The following PCNX2 variants were observed in gnomAD, a reference collection of about 807,000 sequenced individuals.
PCNX2 encodes the protein pecanex 2, also known as pecanex-like protein 2.
A neutral mutation model predicts 223.8 loss-of-function variants in PCNX2; 168 were observed. That is an observed-to-expected ratio of 0.75 (90% CI 0.66 to 0.85). PCNX2 has a LOEUF of 0.85. PCNX2 is among the 40% of genes least tolerant of loss of function. The pLI, the probability that PCNX2 is intolerant of heterozygous loss-of-function variation, is 0.00. For missense variants in PCNX2, 2,507 were observed against 2,675.5 expected (o/e 0.94, Z 1.39); for synonymous variants, 1,006 against 1,052.6 (o/e 0.96, Z 0.86).
intron 12 of PCNX2, among the ~76,000 whole-genome samples, chr1:233,216,787 C>T (rs574257288): frequency 6.6e-6 from 1 of 151,888 alleles, no homozygotes; most frequent in Non-Finnish European, 1.5e-5. Context: ...TCACAATAGC[C>T]AAGACATGGT....
chr1:233,184,763 G>C (rs1050726953), intron 15 of PCNX2, among the ~76,000 whole-genome samples: 11 of 152,164 alleles, frequency 7.2e-5, no homozygotes, highest in African/African-American at 2.4e-4. Context: ...TGTGGCCACA[G>C]GGGCAGGAAG....
chr1:233,056,241 T>G (rs1672187485), intron 24 of PCNX2, among the ~76,000 whole-genome samples: 1 of 152,200 alleles, frequency 6.6e-6, no homozygotes, highest in Non-Finnish European at 1.5e-5. Context: ...AGGAAAGGCC[T>G]GAATGAGAGA....
At chr1:233,156,443 C>T (rs1678129480) in intron 19 of PCNX2, among the ~76,000 whole-genome samples, 1 of 152,244 alleles carries the variant, frequency 6.6e-6, no homozygotes, top group Non-Finnish European at 1.5e-5. Flanking sequence ...GTGAGCCTCC[C>T]TCTCTACACC....
intron 13 of PCNX2, among the ~76,000 whole-genome samples, chr1:233,204,311 C>T (rs2102902717): frequency 6.6e-6 from 1 of 152,180 alleles, no homozygotes; most frequent in Non-Finnish European, 1.5e-5. Context: ...CAGAGGACAA[C>T]ACCTTGAGTC....
At chr1:233,100,085 T>A (rs1674397198) in intron 21 of PCNX2, among the ~76,000 whole-genome samples, 1 of 152,180 alleles carries the variant, frequency 6.6e-6, no homozygotes, top group Non-Finnish European at 1.5e-5. Context: ...TTTGGGTTTT[T>A]TTCCACTTAA....
At chr1:233,228,413 A>G (rs1657870702) in intron 9 of PCNX2, among the ~76,000 whole-genome samples, 1 of 152,218 alleles carries the variant, frequency 6.6e-6, no homozygotes, top group Non-Finnish European at 1.5e-5. Context: ...GTAAAATTCA[A>G]TAGTGTTAAC....
chr1:233,189,610 T>C (rs1219893702), intron 15 of PCNX2, among the ~76,000 whole-genome samples: 1 of 152,158 alleles, frequency 6.6e-6, no homozygotes, highest in African/African-American at 2.4e-5. Context: ...TACAATTAGA[T>C]TTTAAACCCT....
intron 17 of PCNX2, among the ~76,000 whole-genome samples, chr1:233,164,316 C>T (rs1390169621): frequency 1.3e-5 from 2 of 152,060 alleles, no homozygotes; most frequent in African/African-American, 4.8e-5. Flanking sequence ...AGAAAAGGAA[C>T]CTTACAGACT....
chr1:233,226,832 C>T (rs560515468), intron 10 of PCNX2, among the ~76,000 whole-genome samples: 13 of 152,292 alleles, frequency 8.5e-5, no homozygotes, highest in African/African-American at 3.1e-4. Flanking sequence ...CCCAGTCAAG[C>T]CAGGCCCTGT....
At chr1:233,294,025 T>C (rs1661926357) in intron 1 of PCNX2, 2 of 978,126 alleles carry the variant, frequency 2.0e-6, no homozygotes, top group African/African-American at 3.5e-5. Flanking sequence ...GCAGTTTCTG[T>C]ATTTAATGCT....
At chr1:233,207,840 G>A (rs1681568074) in intron 13 of PCNX2, among the ~76,000 whole-genome samples, 2 of 152,146 alleles carry the variant, frequency 1.3e-5, no homozygotes, top group Non-Finnish European at 2.9e-5. Context: ...GGAAGACTGG[G>A]TGATCTGAGT....
intron 8 of PCNX2, among the ~76,000 whole-genome samples, chr1:233,249,472 TG>T (rs1400506616): frequency 6.6e-6 from 1 of 152,242 alleles, no homozygotes; most frequent in African/African-American, 2.4e-5. Context: ...TAGAATGTCC[TG>T]GAGGTTAGAG....
At chr1:233,101,957 A>T (rs963864826) in intron 21 of PCNX2, among the ~76,000 whole-genome samples, 2 of 152,238 alleles carry the variant, frequency 1.3e-5, no homozygotes, top group Admixed American at 6.5e-5. Context: ...AGTCCTCATA[A>T]TACAGGGCAG....
intron 20 of PCNX2, 53 bp from the exon 21 acceptor site, chr1:233,135,243 A>T: frequency 6.7e-7 from 1 of 1,502,272 alleles, no homozygotes; most frequent in Admixed American, 2.0e-5. Context: ...ACACTGCTGG[A>T]TGAGTTTCAT....
chr1:233,032,566 G>A (rs1313893809), intron 25 of PCNX2, among the ~76,000 whole-genome samples: 2 of 147,606 alleles, frequency 1.4e-5, no homozygotes, highest in African/African-American at 5.2e-5. Context: ...ATCACATTGA[G>A]CTGAAAGCCA....
intron 25 of PCNX2, among the ~76,000 whole-genome samples, chr1:233,034,442 C>T (rs757798781): frequency 6.6e-5 from 10 of 152,158 alleles, no homozygotes; most frequent in Non-Finnish European, 1.3e-4. Flanking sequence ...TCCCAGCCTC[C>T]AGAACTGTGA....
At chr1:233,262,321 T>A in intron 2 of PCNX2, 156 bp from the exon 3 acceptor site, 2 of 491,944 alleles carry the variant, frequency 4.1e-6, no homozygotes, top group Non-Finnish European at 5.3e-6. Context: ...AGACAGGGCT[T>A]CGCTCTGTCT....
intron 1 of PCNX2, among the ~76,000 whole-genome samples, chr1:233,277,213 C>T (rs941385384): frequency 1.3e-5 from 2 of 152,180 alleles, no homozygotes; most frequent in South Asian, 4.1e-4. Flanking sequence ...AGATGACACA[C>T]CGCTGAGCCC....
chr1:233,022,566 G>C (rs1670928965), intron 26 of PCNX2, among the ~76,000 whole-genome samples: 1 of 151,246 alleles, frequency 6.6e-6, no homozygotes, highest in African/African-American at 2.5e-5. Context: ...GGGAGCACAG[G>C]TAGTGTGTGC....
Sources: gnomAD v4.1 joint callset for allele counts (sites outside exome capture counted in the v4.1 genomes callset) on GRCh38, gnomAD v4.1.1 for gene constraint, MANE v1.5 for transcripts, NCBI Gene and HGNC (gene_info 2026-07-23, HGNC 2026-07-21) for gene names.